Variants in GPR35 observed in about 807,000 individuals in gnomAD.
GPR35 encodes KYNA receptor.
For synonymous variants in GPR35, 207 were observed against 198.4 expected (o/e 1.04, Z -0.36); for missense variants, 372 against 422.5 (o/e 0.88, Z 1.05).
rs763024464 is a variant in GPR35, at chr2:240,630,544, C to T, written c.592C>T (p.Leu198=). The change falls in exon 2 of 2, where the codon CTG becomes TTG. Residue 198 remains leucine, a synonymous_variant. Coordinates refer to ENST00000407714, the MANE Select transcript of GPR35 (RefSeq NM_005301.5). The part of the protein sequence containing the change: ...VFCSLKVVTA[L]AQRPPTDVGQ... Reference sequence around the variant, plus strand: ...CTGCTCCCTGAAGGTGGTGACTGCCCTGGCCCAGAGGCCACCCACCGACGT... The same window carrying T: ...CTGCTCCCTGAAGGTGGTGACTGCCTTGGCCCAGAGGCCACCCACCGACGT... 18 of 1,612,804 alleles carry T rather than the reference C, an allele frequency of 1.1e-5. No individual in the cohort carries two copies. The Admixed American group carries it at 1.3e-4, about 12-fold the overall frequency.
upstream of GPR35, among the ~76,000 whole-genome samples, chr2:240,623,107 C>T (rs527650326): frequency 4.6e-5 from 7 of 152,336 alleles, no homozygotes; most frequent in East Asian, 3.9e-4. Context: ...ATGTCCCCGG[C>T]ACTCGCAGCC....
At chr2:240,627,213 C>T (rs562059550) in intron 1 of GPR35, among the ~76,000 whole-genome samples, 15 of 152,316 alleles carry the variant, frequency 9.8e-5, no homozygotes, top group African/African-American at 3.4e-4. Flanking sequence ...CTGTGCGGGA[C>T]TGGGGCAGTA....
exon 2 of GPR35, chr2:240,606,491 C>T (rs2043135531): frequency 6.6e-6 from 1 of 152,282 alleles, no homozygotes; most frequent in African/African-American, 2.4e-5. Flanking sequence ...CATCCTGAGG[C>T]CTCCTAAGCA....
upstream of GPR35, among the ~76,000 whole-genome samples, chr2:240,620,779 C>T (rs909440283): frequency 2.3e-4 from 35 of 152,172 alleles, no homozygotes; most frequent in African/African-American, 6.5e-4. Flanking sequence ...GACCCCTGCC[C>T]GCTACCTCCT....
chr2:240,626,096 TC>T, intron 1 of GPR35, among the ~76,000 whole-genome samples: 1 of 34,762 alleles, frequency 2.9e-5, no homozygotes, highest in Non-Finnish European at 4.8e-5. Context: ...TGTGACGGGG[TC>T]TCAGAGCGGG....
intron 1 of GPR35, chr2:240,629,664 A>C: frequency 5.7e-6 from 2 of 350,338 alleles, no homozygotes; most frequent in Non-Finnish European, 1.0e-5. Flanking sequence ...ACTGGAGGGG[A>C]ACGTGGAGCT....
intron 2 of GPR35, among the ~76,000 whole-genome samples, chr2:240,609,305 A>C (rs1204829891): frequency 6.6e-6 from 1 of 151,984 alleles, no homozygotes; most frequent in African/African-American, 2.4e-5. Context: ...AATCTTAGGT[A>C]ATGATTTTAG....
intron 2 of GPR35, among the ~76,000 whole-genome samples, chr2:240,615,780 A>G (rs1250617325): frequency 6.6e-6 from 1 of 152,232 alleles, no homozygotes; most frequent in Non-Finnish European, 1.5e-5. Context: ...TAACTTTTAC[A>G]TTTTCTCTAC....
At chr2:240,612,759 C>T (rs2043196078) in intron 2 of GPR35, among the ~76,000 whole-genome samples, 2 of 152,230 alleles carry the variant, frequency 1.3e-5, no homozygotes, top group South Asian at 2.1e-4. Flanking sequence ...AACAGCTGAT[C>T]AAATCCGGGC....
chr2:240,622,039 A>AT (rs34528477), upstream of GPR35, among the ~76,000 whole-genome samples: 35,620 of 145,596 alleles, frequency 0.24, 4,610 homozygotes, highest in Admixed American at 0.43. Context: ...TGCGTGGCTG[A>AT]TTTTTTTTTT....
chr2:240,630,336 G>A lies in GPR35; in HGVS notation c.384G>A (p.Arg128=). 6.3e-7 allele frequency: 1 copy of A among 1,597,458 alleles called. No homozygotes were observed. Among genetic ancestry groups the A allele is most frequent in the Non-Finnish European group, 8.5e-7 (1 of 1,174,886 alleles). ...ACCCGCTGCGTGCCCGCGGGCTGCG[G>A]TCCCCCAGGCAGGCTGCGGCCGTGT... The part of the protein sequence containing the change: ...VRHPLRARGL[R]SPRQAAAVCA... Residue 128 remains arginine (R), a synonymous_variant, in exon 2 of 2, where the codon CGG becomes CGA. Coordinates refer to ENST00000407714, the MANE Select transcript of GPR35 (RefSeq NM_005301.5).
At chr2:240,612,885 C>A (rs2043198014) in intron 2 of GPR35, among the ~76,000 whole-genome samples, 1 of 152,194 alleles carries the variant, frequency 6.6e-6, no homozygotes, top group Non-Finnish European at 1.5e-5. Flanking sequence ...GATGGTTCTC[C>A]AGAATTCTGC....
At chr2:240,611,872 C>T (rs190134431) in intron 2 of GPR35, among the ~76,000 whole-genome samples, 26 of 152,190 alleles carry the variant, frequency 1.7e-4, no homozygotes, top group Admixed American at 1.3e-3. Context: ...GCAGAACGTG[C>T]GATGGGACAG....
At chr2:240,626,385 T>C (rs1368807567) in intron 1 of GPR35, among the ~76,000 whole-genome samples, 13 of 41,398 alleles carry the variant, frequency 3.1e-4, no homozygotes, top group East Asian at 2.2e-3. Flanking sequence ...GAGGCTCTGA[T>C]GGGGTCTCAG....
At chr2:240,627,084 C>T (rs1242317720) in intron 1 of GPR35, among the ~76,000 whole-genome samples, 1 of 152,212 alleles carries the variant, frequency 6.6e-6, no homozygotes, top group Non-Finnish European at 1.5e-5. Context: ...GGCCCCATCC[C>T]CACGGTCCCC....
At chr2:240,616,650 G>C (rs1296849178) in intron 3 of GPR35, 2 of 658,782 alleles carry the variant, frequency 3.0e-6, no homozygotes, top group Non-Finnish European at 5.5e-6. Flanking sequence ...GCTGCCAAGA[G>C]ACCCCCCAGT....
Position 240,630,311 on chromosome 2 carries a change from ACCCGCTGCGTG to A in GPR35, c.365_375del (p.Leu122ArgfsTer171). On this transcript the variant is annotated frameshift_variant, in exon 2 of 2. Transcript: ENST00000407714. LOFTEE classifies it low-confidence loss of function (END_TRUNC). ...GTGGACCGCTATGTGGCCGTGCGGCACCCGCTGCGTGCCCGCGGGCTGCGGTCCCCCAGGCA... is the reference window on the plus strand; with the variant it reads ...GTGGACCGCTATGTGGCCGTGCGGCACCCGCGGGCTGCGGTCCCCCAGGCA... 2.5e-6 allele frequency: 4 copies of A among 1,584,922 alleles called. No individual in the cohort carries two copies. The highest frequency in any genetic ancestry group is 3.4e-6 in the Non-Finnish European group (4 of 1,170,602).
chr2:240,615,276 G>A (rs1339125327), intron 2 of GPR35, among the ~76,000 whole-genome samples: 3 of 152,244 alleles, frequency 2.0e-5, no homozygotes, highest in East Asian at 1.9e-4. Context: ...GCCCCTTGCC[G>A]AGTCCTCTCT....
intron 1 of GPR35, chr2:240,628,959 C>T (rs1438850011): frequency 1.3e-5 from 2 of 152,306 alleles, no homozygotes; most frequent in East Asian, 3.8e-4. Context: ...CACCAGCACC[C>T]CTTATGATGA....
Sources: gnomAD v4.1 joint callset for allele counts (sites outside exome capture counted in the v4.1 genomes callset) on GRCh38, gnomAD v4.1.1 for gene constraint, MANE v1.5 for transcripts, NCBI Gene and HGNC (gene_info 2026-07-23, HGNC 2026-07-21) for gene names.